ZIM2: variants seen among roughly 807,000 people sequenced by gnomAD.
ZIM2 encodes zinc finger protein 656.
Under a neutral mutation model 38.6 loss-of-function variants are expected in ZIM2, and 14 were observed. That is an observed-to-expected ratio of 0.36 (90% confidence interval 0.24 to 0.57). ZIM2 has a LOEUF of 0.57. Ranked by LOEUF, ZIM2 falls within the 20% of genes least tolerant of loss-of-function variation. The probability of loss-of-function intolerance (pLI) is 0.81; values close to 1 mark genes in which losing one functional copy is unlikely to be tolerated. For missense variants in ZIM2, 680 were observed against 695.1 expected, an observed-to-expected ratio of 0.98 and a Z score of 0.24; for synonymous variants, 247 against 245.8, an observed-to-expected ratio of 1.00 and a Z score of -0.04.
Position 56,792,752 on chromosome 19 carries a change from TCAGCAG to T in ZIM2, c.491-2807_491-2802del, listed in dbSNP as rs547471304. ...GACAGAATCATTAGAAGCCCAAACT[TCAGCAG>T]CATCCAATATACCCATGTAATAAAC... On this transcript the variant is annotated intron_variant, in intron 9 of 12. Transcript: ENST00000629319. Among the ~76,000 whole-genome samples the T allele has an allele frequency of 4.0e-3, 614 of 151,996 alleles. 4 individuals carry two copies. Among genetic ancestry groups the T allele is most frequent in the African/African-American group, 0.014 (577 of 41,464 alleles).
chr19:56,777,133 G>A (rs1488845338), intron 12 of ZIM2, among the ~76,000 whole-genome samples: 1 of 152,196 alleles, frequency 6.6e-6, no homozygotes, highest in Non-Finnish European at 1.5e-5. Flanking sequence ...GATGAACACA[G>A]TGGTTGCATC....
intron 5 of ZIM2, among the ~76,000 whole-genome samples, chr19:56,823,287 C>T (rs1344217891): frequency 6.6e-6 from 1 of 152,228 alleles, no homozygotes; most frequent in Non-Finnish European, 1.5e-5. Context: ...CTCACTGAAG[C>T]ATCTTTAATG....
intron 5 of ZIM2, 82 bp downstream of exon 5, chr19:56,823,508 G>A: frequency 3.9e-6 from 6 of 1,539,864 alleles, no homozygotes; most frequent in Non-Finnish European, 5.4e-6. Flanking sequence ...TCATCTTCAT[G>A]GAGGCCCCAA....
chr19:56,838,821 G>C (rs1437118793), intron 1 of ZIM2, among the ~76,000 whole-genome samples: 1 of 152,174 alleles, frequency 6.6e-6, no homozygotes, highest in Non-Finnish European at 1.5e-5. Flanking sequence ...ATCACCGCAA[G>C]GCAGGCAAGC....
intron 2 of ZIM2, among the ~76,000 whole-genome samples, chr19:56,835,325 C>T (rs2061979757): frequency 1.3e-5 from 2 of 152,212 alleles, no homozygotes; most frequent in Non-Finnish European, 2.9e-5. Flanking sequence ...CACAATGAAA[C>T]CACAACTTAC....
At chr19:56,777,910 C>A (rs2046105194) in intron 12 of ZIM2, among the ~76,000 whole-genome samples, 1 of 152,162 alleles carries the variant, frequency 6.6e-6, no homozygotes, top group Non-Finnish European at 1.5e-5. Flanking sequence ...TTAACTCAGA[C>A]CATATTGCCC....
chr19:56,833,165 G>A (rs2061738739), intron 2 of ZIM2: 1 of 517,462 alleles, frequency 1.9e-6, no homozygotes, highest in Admixed American at 1.9e-5. Flanking sequence ...TTGGCCTCAG[G>A]CTCCCACATC....
chr19:56,781,668 C>T (rs145257636), intron 11 of ZIM2, among the ~76,000 whole-genome samples: 14 of 152,190 alleles, frequency 9.2e-5, no homozygotes, highest in African/African-American at 2.9e-4. Context: ...ATAATAACAA[C>T]AACAATAAGT....
chr19:56,812,166 CA>C, intron 9 of ZIM2: 31 of 974,092 alleles, frequency 3.2e-5, no homozygotes, highest in South Asian at 9.5e-5. Context: ...AACTCAAGGC[CA>C]AAAAAAATTT....
At chr19:56,816,839 A>G (rs1419885147) in intron 9 of ZIM2, 1 of 1,614,130 alleles carries the variant, frequency 6.2e-7, no homozygotes. Flanking sequence ...TGATTCTTAC[A>G]TTCCACAAGA....
At position 56,815,380 on chromosome 19, in the gene ZIM2, T is replaced by C. The variant is rs1301669723; in HGVS notation, c.490+2366A>G. ...CGCTTGCTCTTTAGCATACTGCTCT[T>C]GGGCGTAACTTGTTTGAGGGTCAGT... On this transcript the variant is annotated intron_variant, in intron 9 of 12. Transcript: ENST00000629319. 6 of 1,614,078 alleles carry C rather than the reference T, an allele frequency of 3.7e-6. No individual in the cohort carries two copies. Among genetic ancestry groups the C allele is most frequent in the African/African-American group, 2.7e-5 (2 of 74,930 alleles).
chr19:56,817,669 G>A (rs2060105831), intron 9 of ZIM2, 77 bp downstream of exon 9: 3 of 1,531,320 alleles, frequency 2.0e-6, no homozygotes, highest in Non-Finnish European at 9.0e-7. Flanking sequence ...TGATGTTTAG[G>A]AATGCAAAGT....
intron 10 of ZIM2, among the ~76,000 whole-genome samples, chr19:56,784,925 A>G (rs768800847): frequency 6.6e-6 from 1 of 152,220 alleles, no homozygotes; most frequent in Non-Finnish European, 1.5e-5. Context: ...GAAACTTTCT[A>G]AAACTTTTTA....
chr19:56,817,563 A>G (rs1255023012), intron 9 of ZIM2, 183 bp downstream of exon 9: 1 of 1,592,238 alleles, frequency 6.3e-7, no homozygotes, highest in Non-Finnish European at 8.6e-7. Context: ...TTTTGGCTTC[A>G]GGCATAGTTT....
intron 7 of ZIM2, 145 bp downstream of exon 7, chr19:56,821,506 T>A: frequency 2.1e-6 from 2 of 940,372 alleles, no homozygotes; most frequent in Non-Finnish European, 3.2e-6. Context: ...ACCTAAGGGA[T>A]GGGCCCGGGC....
chr19:56,775,726 G>A (rs1218966319), intron 12 of ZIM2, among the ~76,000 whole-genome samples, 197 bp from the exon 13 acceptor site: 1 of 151,676 alleles, frequency 6.6e-6, no homozygotes, highest in Non-Finnish European at 1.5e-5. Context: ...TAGAAATAAA[G>A]AGACCAAGGA....
At position 56,814,695 on chromosome 19, in the gene ZIM2, T is replaced by C. The variant is rs1377417303; in HGVS notation, c.490+3051A>G. The C allele has an allele frequency of 6.2e-7, 1 of 1,613,922 alleles. No individual in the cohort carries two copies. The highest frequency in any genetic ancestry group is 1.3e-5 in the African/African-American group (1 of 74,920). On this transcript the variant is annotated intron_variant, in intron 9 of 12. Coordinates refer to ENST00000629319, the MANE Select transcript of ZIM2 (RefSeq NM_001387356.1). The surrounding 1 kb of genome is among the most constrained non-coding windows in gnomAD (Gnocchi z 5.8). ...TCTGGCTCTGCTCCAGTAAATCATC[T>C]TCCCTATGAAGTCTCATATGCTCAT...
At chr19:56,828,014 T>G (rs1362974507) in intron 2 of ZIM2, among the ~76,000 whole-genome samples, 1 of 152,214 alleles carries the variant, frequency 6.6e-6, no homozygotes, top group East Asian at 1.9e-4. Flanking sequence ...TATTTTTATT[T>G]TACCATGAGC....
At chr19:56,813,839 G>C in intron 9 of ZIM2, 2 of 1,614,168 alleles carry the variant, frequency 1.2e-6, no homozygotes, top group Non-Finnish European at 1.7e-6. Flanking sequence ...GCATTTGCAG[G>C]CTCAAATATG....
Sources: allele counts gnomAD v4.1 joint callset (sites outside exome capture counted in the v4.1 genomes callset), GRCh38; gene constraint gnomAD v4.1.1; non-coding constraint Gnocchi (gnomAD v3.1); transcripts MANE v1.5; gene names NCBI Gene and HGNC (gene_info 2026-07-23, HGNC 2026-07-21).